PALM2AKAP2: variants seen among roughly 807,000 people sequenced by gnomAD.
The protein encoded by PALM2AKAP2 is PALM2 and AKAP2 fusion.
PALM2AKAP2 carries 37 observed loss-of-function variants against 71.5 expected under a neutral mutation model. That is an observed-to-expected ratio of 0.52 (90% CI 0.40 to 0.68). PALM2AKAP2 has a LOEUF of 0.68. Ranked by LOEUF, PALM2AKAP2 falls within the 30% of genes least tolerant of loss-of-function variation. PALM2AKAP2 has a pLI of 0.00. For missense variants in PALM2AKAP2, 1,224 were observed against 1,191.8 expected (o/e 1.03, Z -0.40); for synonymous variants, 468 against 478.8 (o/e 0.98, Z 0.29).
chr9:110,142,708 G>T (rs1836063807), intron 2 of PALM2AKAP2, among the ~76,000 whole-genome samples: 1 of 152,128 alleles, frequency 6.6e-6, no homozygotes, highest in Non-Finnish European at 1.5e-5. Flanking sequence ...CCTAAGAGAG[G>T]CTCAAAAGGA....
At chr9:109,803,094 GT>G (rs967549875) in intron 1 of PALM2AKAP2, among the ~76,000 whole-genome samples, 1 of 146,008 alleles carries the variant, frequency 6.8e-6, no homozygotes, top group African/African-American at 2.4e-5. Context: ...CCAAGAACAG[GT>G]TTTTGGGGAA....
At chr9:110,055,004 C>T (rs1294099009) in intron 1 of PALM2AKAP2, among the ~76,000 whole-genome samples, 2 of 152,084 alleles carry the variant, frequency 1.3e-5, no homozygotes, top group East Asian at 1.9e-4. Flanking sequence ...TGACTGCCCC[C>T]CGCCCCTACC....
At chr9:109,641,812 T>C (rs1827074317) in intron 1 of PALM2AKAP2, among the ~76,000 whole-genome samples, 1 of 152,228 alleles carries the variant, frequency 6.6e-6, no homozygotes, top group South Asian at 2.1e-4. Flanking sequence ...TTTTCAGACA[T>C]CAGGACCTTC....
chr9:109,807,355 T>C (rs762448977), intron 1 of PALM2AKAP2, among the ~76,000 whole-genome samples: 19 of 152,352 alleles, frequency 1.2e-4, no homozygotes, highest in Non-Finnish European at 2.6e-4. Flanking sequence ...CTTAGCCTGT[T>C]AGTGCTGCTG....
chr9:110,003,544 G>A (rs1832721551), intron 6 of PALM2AKAP2, among the ~76,000 whole-genome samples: 2 of 152,090 alleles, frequency 1.3e-5, no homozygotes, highest in Non-Finnish European at 2.9e-5. Flanking sequence ...TGTCTATTAG[G>A]TCCACTTGGT....
chr9:109,828,057 C>T (rs1828202633), intron 1 of PALM2AKAP2, among the ~76,000 whole-genome samples: 1 of 152,132 alleles, frequency 6.6e-6, no homozygotes, highest in Non-Finnish European at 1.5e-5. Flanking sequence ...TATGTCACTT[C>T]CTTTAATCCT....
intron 3 of PALM2AKAP2, among the ~76,000 whole-genome samples, chr9:109,911,727 G>C (rs1162233076): frequency 6.6e-6 from 1 of 152,026 alleles, no homozygotes; most frequent in Non-Finnish European, 1.5e-5. Flanking sequence ...CATGTTCTTG[G>C]GTAGCTTTGC....
chr9:109,869,339 G>T (rs1336844373), intron 2 of PALM2AKAP2, among the ~76,000 whole-genome samples: 3 of 151,840 alleles, frequency 2.0e-5, no homozygotes, highest in Non-Finnish European at 4.4e-5. Context: ...TTATTTGTTT[G>T]TTTGTTTGAG....
chr9:109,670,889 A>G lies in PALM2AKAP2; in HGVS notation c.5+30023A>G, dbSNP rs1587861389. Among the ~76,000 whole-genome samples, 3 of 152,252 alleles carry G rather than the reference A, an allele frequency of 2.0e-5. 1 individual carries two copies. The South Asian group carries it at 6.2e-4, about 32-fold the overall frequency. The stretch of plus-strand genomic sequence containing the variant: ...TAATCAGTGATGTTGAGCCTTTTTC[A>G]TATAATTGTTGGCCACATGTATGTC... On this transcript the variant is annotated intron_variant, in intron 1 of 6. Transcript: ENST00000374531.
At chr9:110,132,241 G>A (rs1202081414) in intron 1 of PALM2AKAP2, among the ~76,000 whole-genome samples, 1 of 152,134 alleles carries the variant, frequency 6.6e-6, no homozygotes. Context: ...TTTCAGTAGA[G>A]ATGGGGTTTC....
chr9:109,696,094 A>T (rs1016833666), intron 1 of PALM2AKAP2, among the ~76,000 whole-genome samples: 1 of 152,214 alleles, frequency 6.6e-6, no homozygotes, highest in Non-Finnish European at 1.5e-5. Context: ...ATCATTACAC[A>T]TTGCATAAAT....
upstream of PALM2AKAP2, among the ~76,000 whole-genome samples, chr9:109,778,413 A>AC: frequency 6.6e-6 from 1 of 151,824 alleles, no homozygotes; most frequent in African/African-American, 2.4e-5. Context: ...TTTGTGAGCA[A>AC]ACCCCTTTAA....
intron 6 of PALM2AKAP2, among the ~76,000 whole-genome samples, chr9:109,997,167 G>A (rs2132259625): frequency 6.6e-6 from 1 of 152,212 alleles, no homozygotes; most frequent in South Asian, 2.1e-4. Flanking sequence ...GCCAGCCTGG[G>A]TGACAGAGCA....
intron 3 of PALM2AKAP2, among the ~76,000 whole-genome samples, chr9:110,167,023 C>T (rs780644281): frequency 2.6e-5 from 4 of 152,190 alleles, no homozygotes; most frequent in Non-Finnish European, 4.4e-5. Context: ...ATCAAAGGCA[C>T]GTCTTACATG....
At position 109,799,506 on chromosome 9, in the gene PALM2AKAP2, A is replaced by G. The variant is rs182998567; in HGVS notation, c.45+18973A>G. 3.9e-5 allele frequency among the ~76,000 whole-genome samples: 6 copies of G among 151,980 alleles called. No homozygotes were observed. The Middle Eastern group carries it at 0.01, about 258-fold the overall frequency. On this transcript the variant is annotated intron_variant, in intron 1 of 9. Transcript: ENST00000302798. ...GGTCACCTTTAGTTTTGGGGAGTTT[A>G]TTTTTGAGATGGGGTCTCACTCTGT... is the stretch of plus-strand genomic sequence containing the variant.
At position 110,168,320 on chromosome 9, in the gene PALM2AKAP2, A is replaced by C. The variant is rs1836784127; in HGVS notation, c.2749-79A>C. 3 of 1,528,406 alleles carry C rather than the reference A, an allele frequency of 2.0e-6. No individual in the cohort carries two copies. The South Asian group carries it at 3.6e-5, about 19-fold the overall frequency. 94.7% of individuals were successfully genotyped at this position (1,528,406 alleles called of 1,614,324 possible). On this transcript the variant is annotated intron_variant, in intron 3 of 3. Coordinates refer to ENST00000374525, the Ensembl canonical transcript of PALM2AKAP2. ...CTCTCAAGTTGATAAAGAGAAAGGA[A>C]GAAAGAAACAGAGAAGTCGGTTTAT...
intron 1 of PALM2AKAP2, among the ~76,000 whole-genome samples, chr9:109,663,497 T>C (rs1827432863): frequency 6.6e-6 from 1 of 152,210 alleles, no homozygotes; most frequent in South Asian, 2.1e-4. Flanking sequence ...TTGTGTGGTT[T>C]TGAGTGAGTT....
intron 1 of PALM2AKAP2, among the ~76,000 whole-genome samples, chr9:109,853,369 A>G (rs193185392): frequency 6.6e-6 from 1 of 152,202 alleles, no homozygotes; most frequent in African/African-American, 2.4e-5. Flanking sequence ...ATAGCTTTCC[A>G]ATCTTTTCCA....
At chr9:109,673,723 T>C (rs1423361422) in intron 1 of PALM2AKAP2, among the ~76,000 whole-genome samples, 1 of 152,172 alleles carries the variant, frequency 6.6e-6, no homozygotes, top group Non-Finnish European at 1.5e-5. Flanking sequence ...TATTATTGTG[T>C]GGGGACCTAA....
Sources: gnomAD v4.1 joint callset for allele counts (sites outside exome capture counted in the v4.1 genomes callset) on GRCh38, gnomAD v4.1.1 for gene constraint, MANE v1.5 for transcripts, NCBI Gene and HGNC (gene_info 2026-07-23, HGNC 2026-07-21) for gene names.